The following SMARCC1 variants were observed in gnomAD, a reference collection of about 807,000 sequenced individuals.
SMARCC1 encodes the protein SWI/SNF related BAF chromatin remodeling complex subunit C1, also known as SWI/SNF complex subunit SMARCC1.
Under a neutral mutation model 147.4 loss-of-function variants are expected in SMARCC1, and 43 were observed. The ratio of observed to expected loss-of-function variants is 0.29; its 90% CI spans 0.23 to 0.38. The LOEUF is 0.38. Ranked by LOEUF, SMARCC1 falls within the 10% of genes least tolerant of loss-of-function variation. SMARCC1 has a pLI of 1.00. For missense variants in SMARCC1, 1,119 were observed against 1,381.1 expected (o/e 0.81, Z 3.01); for synonymous variants, 495 against 484.4 (o/e 1.02, Z -0.29).
intron 7 of SMARCC1, among the ~76,000 whole-genome samples, chr3:47,718,538 G>C (rs2034189642): frequency 6.6e-6 from 1 of 151,924 alleles, no homozygotes; most frequent in Non-Finnish European, 1.5e-5. Flanking sequence ...AAGACGAGAA[G>C]TAGATAGAAG....
intron 2 of SMARCC1, among the ~76,000 whole-genome samples, chr3:47,770,787 A>G (rs1162840989): frequency 6.6e-6 from 1 of 152,222 alleles, no homozygotes; most frequent in Non-Finnish European, 1.5e-5. Flanking sequence ...ATAATTCAAA[A>G]TGAGAAAAGT....
chr3:47,708,096 T>TTC (rs1559650604), intron 9 of SMARCC1, among the ~76,000 whole-genome samples: 4 of 112,590 alleles, frequency 3.6e-5, no homozygotes, highest in Admixed American at 9.4e-5. Flanking sequence ...TTTTTTTTTT[T>TTC]TTTTTTTTTT....
intron 7 of SMARCC1, among the ~76,000 whole-genome samples, chr3:47,720,420 C>G (rs2034216888): frequency 6.6e-6 from 1 of 152,150 alleles, no homozygotes. Flanking sequence ...CTGTGCCCAG[C>G]CTTGATATCA....
At chr3:47,758,882 T>C (rs1217553712) in intron 2 of SMARCC1, among the ~76,000 whole-genome samples, 1 of 151,918 alleles carries the variant, frequency 6.6e-6, no homozygotes, top group African/African-American at 2.4e-5. Context: ...CCAGGCGTGA[T>C]GGTGCATGCC....
intron 10 of SMARCC1, 109 bp downstream of exon 10, chr3:47,706,300 G>T: frequency 3.0e-6 from 3 of 1,011,270 alleles, no homozygotes; most frequent in South Asian, 3.1e-5. Flanking sequence ...TTGAACTACT[G>T]ACCTCAGTTG....
intron 5 of SMARCC1, among the ~76,000 whole-genome samples, chr3:47,729,488 C>T (rs138166625): frequency 2.2e-3 from 330 of 152,246 alleles, no homozygotes; most frequent in African/African-American, 7.7e-3. Context: ...TGGGTTCAAA[C>T]GATTCTCCTG....
At chr3:47,717,741 A>G (rs1448629589) in intron 7 of SMARCC1, among the ~76,000 whole-genome samples, 1 of 151,714 alleles carries the variant, frequency 6.6e-6, no homozygotes, top group Non-Finnish European at 1.5e-5. Context: ...TAATTTTTGT[A>G]TTTTTTGTAG....
chr3:47,756,065 TC>T (rs1375699358), intron 2 of SMARCC1, among the ~76,000 whole-genome samples: 1 of 129,702 alleles, frequency 7.7e-6, no homozygotes, highest in Non-Finnish European at 1.6e-5. Context: ...CTACAGCCAC[TC>T]AGGAAGCTGA....
intron 14 of SMARCC1, among the ~76,000 whole-genome samples, chr3:47,684,069 T>A (rs954769440): frequency 3.3e-4 from 50 of 151,874 alleles, no homozygotes; most frequent in Non-Finnish European, 5.9e-4. Flanking sequence ...TGAAACCCCG[T>A]CTCTACTAAA....
At chr3:47,722,977 A>G (rs2034250768) in intron 6 of SMARCC1, among the ~76,000 whole-genome samples, 1 of 152,180 alleles carries the variant, frequency 6.6e-6, no homozygotes, top group Non-Finnish European at 1.5e-5. Context: ...TAATTGCAAG[A>G]AACACTGGGG....
intron 11 of SMARCC1, among the ~76,000 whole-genome samples, chr3:47,700,266 A>G (rs1347523082): frequency 6.6e-6 from 1 of 152,090 alleles, no homozygotes; most frequent in African/African-American, 2.4e-5. Context: ...GTGAAATTCT[A>G]TAAACTTGGA....
At chr3:47,741,582 C>T (rs1047850433) in intron 3 of SMARCC1, among the ~76,000 whole-genome samples, 3 of 151,552 alleles carry the variant, frequency 2.0e-5, no homozygotes, top group African/African-American at 7.2e-5. Context: ...ACTCCTCCAA[C>T]TACTCAACGT....
chr3:47,682,039 A>AT (rs2033650578), intron 14 of SMARCC1, among the ~76,000 whole-genome samples: 1 of 151,892 alleles, frequency 6.6e-6, no homozygotes, highest in Non-Finnish European at 1.5e-5. Flanking sequence ...TTCTAATTTT[A>AT]TTTTTTAATT....
intron 1 of SMARCC1, among the ~76,000 whole-genome samples, 189 bp from the exon 2 acceptor site, chr3:47,773,125 AT>A (rs1010290131): frequency 1.2e-3 from 183 of 150,548 alleles, no homozygotes; most frequent in African/African-American, 4.1e-3. Context: ...AAGACGGTTA[AT>A]TTTTTTTTTC....
At chr3:47,611,741 G>C (rs571456381) in intron 25 of SMARCC1, among the ~76,000 whole-genome samples, 14 of 152,316 alleles carry the variant, frequency 9.2e-5, no homozygotes, top group Non-Finnish European at 1.0e-4. Context: ...GAAAATCCCT[G>C]TGAAATTGAG....
intron 22 of SMARCC1, among the ~76,000 whole-genome samples, chr3:47,638,243 C>A (rs1286488700): frequency 6.6e-6 from 1 of 152,172 alleles, no homozygotes; most frequent in Admixed American, 6.5e-5. Context: ...CAGGCACCCA[C>A]CACCACGCCT....
intron 18 of SMARCC1, among the ~76,000 whole-genome samples, chr3:47,671,310 T>C (rs1191714631): frequency 6.6e-6 from 1 of 151,782 alleles, no homozygotes; most frequent in Non-Finnish European, 1.5e-5. Context: ...TTTGGCAAGC[T>C]AAAAAGGCAT....
At chr3:47,749,982 T>C (rs1230682101) in intron 2 of SMARCC1, among the ~76,000 whole-genome samples, 1 of 150,982 alleles carries the variant, frequency 6.6e-6, no homozygotes, top group African/African-American at 2.4e-5. Flanking sequence ...CTCAGGAGGC[T>C]GAGGCAGAAG....
At chr3:47,755,451 C>T (rs557332887) in intron 2 of SMARCC1, among the ~76,000 whole-genome samples, 43 of 146,276 alleles carry the variant, frequency 2.9e-4, no homozygotes, top group Non-Finnish European at 4.5e-4. Flanking sequence ...GAGCTGAGAT[C>T]GCGCCACTGC....
Sources: allele counts gnomAD v4.1 joint callset (sites outside exome capture counted in the v4.1 genomes callset), GRCh38; gene constraint gnomAD v4.1.1; transcripts MANE v1.5; gene names NCBI Gene and HGNC (gene_info 2026-07-23, HGNC 2026-07-21).